Variants in PPP1R17 observed in about 807,000 individuals in gnomAD.
The protein encoded by PPP1R17 is G-substrate.
PPP1R17 carries 12 observed loss-of-function variants against 15.9 expected under a neutral mutation model. The ratio of observed to expected loss-of-function variants is 0.75; its 90% confidence interval spans 0.48 to 1.22. The LOEUF (loss-of-function observed/expected upper bound fraction) is 1.22, where lower values mean the gene tolerates loss of function less well. Ranked by LOEUF, PPP1R17 falls within the 50% of genes most tolerant of loss-of-function variation. The pLI is 0.00. For missense variants in PPP1R17, 211 were observed against 187.3 expected (o/e 1.13, Z -0.74); for synonymous variants, 63 against 64.5 (o/e 0.98, Z 0.11).
At chr7:31,702,931 T>C (rs1475514766) in intron 4 of PPP1R17, among the ~76,000 whole-genome samples, 1 of 152,224 alleles carries the variant, frequency 6.6e-6, no homozygotes, top group Non-Finnish European at 1.5e-5. Context: ...AAAATATTTA[T>C]GGGCAGGGAG....
chr7:31,691,797 T>TAAAAAAAAAAAAA (rs377169335), intron 1 of PPP1R17, among the ~76,000 whole-genome samples: 20 of 86,526 alleles, frequency 2.3e-4, no homozygotes, highest in African/African-American at 5.3e-4. Context: ...ATGTAATGAT[T>TAAAAAAAAAAAAA]AAAAAAAAAA....
At chr7:31,701,257 T>C (rs1179182930) in intron 4 of PPP1R17, among the ~76,000 whole-genome samples, 1 of 152,212 alleles carries the variant, frequency 6.6e-6, no homozygotes, top group Non-Finnish European at 1.5e-5. Context: ...AAGAAGTTGA[T>C]TCCAACCTTT....
chr7:31,700,867 T>A (rs149753336), intron 4 of PPP1R17, among the ~76,000 whole-genome samples: 5 of 152,194 alleles, frequency 3.3e-5, no homozygotes, highest in Middle Eastern at 3.2e-3. Context: ...CATAATTTAC[T>A]GAATAATTTA....
At chr7:31,695,422 C>T (rs757623148) in intron 2 of PPP1R17, 47 bp from the exon 3 acceptor site, 1 of 1,532,176 alleles carries the variant, frequency 6.5e-7, no homozygotes, top group Non-Finnish European at 8.8e-7. Context: ...TGACTGGATC[C>T]TTAATCATGT....
chr7:31,707,204 G>A lies in PPP1R17; in HGVS notation c.389G>A (p.Gly130Asp). The A allele has an allele frequency of 6.2e-7, 1 of 1,613,448 alleles. No individual in the cohort carries two copies. The highest frequency in any genetic ancestry group is 8.5e-7 in the Non-Finnish European group (1 of 1,179,598). The change falls in exon 5 of 5, where the codon GGT becomes GAT. Residue 130 changes from glycine to aspartate, a missense_variant and splice_region_variant. Transcript: ENST00000342032. The stretch of plus-strand genomic sequence containing the variant: ...TGCAGGTCTGTGCTTTGTTTTGCAG[G>A]TGTGACATTGCTCAGGGACGAGAGA... The part of the protein sequence containing the change: ...PALHMSPFAA[G>D]VTLLRDERPK...
Position 31,707,355 on chromosome 7 carries a change from C to CT in PPP1R17, c.*74dup. ...TGTGGTGACCTAGAGAAAAAATAGA[C>CT]TTGTTTCTGCTCTCATTTTTGTCAT... On this transcript the variant is annotated 3_prime_UTR_variant, in exon 5 of 5. Coordinates refer to ENST00000342032, the MANE Select transcript of PPP1R17 (RefSeq NM_006658.5). 1 of 1,258,472 alleles carries CT rather than the reference C, an allele frequency of 7.9e-7. No homozygotes were observed. 78.0% of individuals were successfully genotyped at this position (1,258,472 alleles called of 1,614,324 possible).
intron 1 of PPP1R17, among the ~76,000 whole-genome samples, chr7:31,691,477 A>G (rs115700982): frequency 0.021 from 3,251 of 152,270 alleles, 132 homozygotes; most frequent in African/African-American, 0.074. Context: ...AAGATACAGA[A>G]TCTAGCCAGG....
chr7:31,687,944 T>A (rs916923806), intron 1 of PPP1R17, among the ~76,000 whole-genome samples: 3 of 152,238 alleles, frequency 2.0e-5, no homozygotes, highest in Non-Finnish European at 4.4e-5. Context: ...CTTCTGAGAA[T>A]CAGTTCTATT....
chr7:31,692,386 TG>T lies in PPP1R17; in HGVS notation c.-36-19del, dbSNP rs1224201429. On this transcript the variant is annotated intron_variant, in intron 1 of 4. Transcript: ENST00000342032. ...AATAAACAGAGCCATACTTATTAAC[TG>T]TTTTTTATACTTCCTTAGTGCTGGA... The T allele has an allele frequency of 2.2e-6, 3 of 1,392,816 alleles. No homozygotes were observed. Among genetic ancestry groups the T allele is most frequent in the Non-Finnish European group, 3.0e-6 (3 of 986,730 alleles). 86.3% of individuals were successfully genotyped at this position (1,392,816 alleles called of 1,614,324 possible).
intron 4 of PPP1R17, 146 bp downstream of exon 4, chr7:31,697,263 T>C: frequency 1.0e-6 from 1 of 1,003,282 alleles, no homozygotes; most frequent in Non-Finnish European, 1.4e-6. Flanking sequence ...CCACACTCAG[T>C]GCTACCTTTT....
chr7:31,708,277 AGGTGAG>A lies in PPP1R17; in HGVS notation c.*995_*1000del, dbSNP rs1214441747. 6.6e-6 allele frequency: 1 copy of A among 152,214 alleles called. No individual in the cohort carries two copies. Among genetic ancestry groups the A allele is most frequent in the East Asian group, 1.9e-4 (1 of 5,194 alleles). 9.4% of individuals were successfully genotyped at this position (152,214 alleles called of 1,614,324 possible). On this transcript the variant is annotated 3_prime_UTR_variant, in exon 5 of 5. Transcript: ENST00000342032. ...ATCCACCAGGCAATAGACAGGAGAG[AGGTGAG>A]AACTATTTTTAGAAGGAGGAAAAGT...
intron 1 of PPP1R17, among the ~76,000 whole-genome samples, chr7:31,687,875 C>A (rs1333383404): frequency 6.6e-6 from 1 of 152,122 alleles, no homozygotes; most frequent in Non-Finnish European, 1.5e-5. Flanking sequence ...TAAATCAAGA[C>A]CTGATTACTT....
At chr7:31,694,219 G>T (rs1583832111) in intron 2 of PPP1R17, among the ~76,000 whole-genome samples, 2 of 152,158 alleles carry the variant, frequency 1.3e-5, no homozygotes, top group African/African-American at 4.8e-5. Flanking sequence ...ACTCAGGACT[G>T]GAGTTAATAC....
chr7:31,697,921 G>A (rs141661879), intron 4 of PPP1R17, among the ~76,000 whole-genome samples: 2 of 152,304 alleles, frequency 1.3e-5, no homozygotes, highest in Non-Finnish European at 2.9e-5. Flanking sequence ...AAAGTCTTAT[G>A]TGGATACAAT....
At chr7:31,697,161 A>C (rs1295307109) in intron 4 of PPP1R17, 44 bp downstream of exon 4, 2 of 1,606,234 alleles carry the variant, frequency 1.2e-6, no homozygotes, top group Admixed American at 1.7e-5. Flanking sequence ...TGATGGGGAC[A>C]GGTCAAGAAC....
At chr7:31,704,965 C>G (rs1272505366) in intron 4 of PPP1R17, among the ~76,000 whole-genome samples, 1 of 152,206 alleles carries the variant, frequency 6.6e-6, no homozygotes, top group Non-Finnish European at 1.5e-5. Context: ...GTAGATACTC[C>G]TGACTTAAGG....
intron 2 of PPP1R17, among the ~76,000 whole-genome samples, chr7:31,695,173 C>A (rs1333882370): frequency 6.6e-6 from 1 of 152,174 alleles, no homozygotes; most frequent in Non-Finnish European, 1.5e-5. Flanking sequence ...TTAACTCAAA[C>A]CCACTCTGTG....
intron 2 of PPP1R17, among the ~76,000 whole-genome samples, chr7:31,694,008 T>A (rs1417630128): frequency 6.6e-6 from 1 of 152,232 alleles, no homozygotes; most frequent in East Asian, 1.9e-4. Flanking sequence ...ACGGAATAGT[T>A]TCTTATACAA....
intron 4 of PPP1R17, among the ~76,000 whole-genome samples, chr7:31,705,200 C>A (rs34182): frequency 0.37 from 56,826 of 151,922 alleles, 11,051 homozygotes; most frequent in East Asian, 0.68. Flanking sequence ...ATCCCAGGAA[C>A]TTTTGGGGAG....
Sources: allele counts gnomAD v4.1 joint callset (sites outside exome capture counted in the v4.1 genomes callset), GRCh38; gene constraint gnomAD v4.1.1; transcripts MANE v1.5; gene names NCBI Gene and HGNC (gene_info 2026-07-23, HGNC 2026-07-21).